FYCO1: variants seen among roughly 807,000 people sequenced by gnomAD.
FYCO1 encodes the protein FYVE and coiled-coil domain-containing protein 1.
FYCO1 carries 122 observed loss-of-function variants against 165.1 expected under a neutral mutation model. The observed-to-expected ratio is 0.74, with a 90% CI of 0.64 to 0.86. The LOEUF (loss-of-function observed/expected upper bound fraction) is 0.86. Among genes scored for constraint, FYCO1 ranks in the 40% least tolerant of loss-of-function variants. The probability of loss-of-function intolerance (pLI) is 0.00; values close to 1 mark genes in which losing one functional copy is unlikely to be tolerated. For missense variants in FYCO1, 1,702 were observed against 1,810.3 expected (o/e 0.94, Z 1.09); for synonymous variants, 648 against 742.5 (o/e 0.87, Z 2.07).
rs1272399167 is a variant in FYCO1 at position 45,967,091 on chromosome 3, G to A, written c.2243C>T (p.Thr748Ile). 1.2e-6 allele frequency: 2 copies of A among 1,613,832 alleles called. No homozygotes were observed. Among genetic ancestry groups the A allele is most frequent in the African/African-American group, 1.3e-5 (1 of 74,910 alleles). The change falls in exon 8 of 18, where the codon ACA becomes ATA. Residue 748 changes from threonine (T) to isoleucine (I), a missense_variant. Transcript: ENST00000296137. ...AACTCCCTGTTGGCCTTTCTCTGCT[G>A]TGAGGACCTCAATCAGCTGGGTCTG... ...QQQTQLIEVL[T>I]AEKGQQGVGP... is the part of the protein sequence containing the mutation.
intron 16 of FYCO1, among the ~76,000 whole-genome samples, chr3:45,926,220 A>G (rs2125790874): frequency 6.6e-6 from 1 of 152,344 alleles, no homozygotes; most frequent in African/African-American, 2.4e-5. Context: ...GGCAGAGATT[A>G]CCAGACTGGA....
At chr3:45,963,752 C>T (rs1235956664) in intron 10 of FYCO1, among the ~76,000 whole-genome samples, 1 of 152,216 alleles carries the variant, frequency 6.6e-6, no homozygotes, top group East Asian at 1.9e-4. Flanking sequence ...CTCACAACTC[C>T]ACATGGCCCC....
At chr3:45,994,497 G>C (rs1016538851) in intron 1 of FYCO1, among the ~76,000 whole-genome samples, 2 of 152,062 alleles carry the variant, frequency 1.3e-5, no homozygotes, top group Non-Finnish European at 2.9e-5. Flanking sequence ...TAATAACCAC[G>C]GTGCACAACT....
Position 45,984,963 on chromosome 3 carries a change from C to A in FYCO1, c.-53G>T. On this transcript the variant is annotated 5_prime_UTR_variant, in exon 2 of 18. Transcript: ENST00000296137. The stretch of plus-strand genomic sequence containing the variant: ...TCTCCTGCCTGGGTCCAGAGGAAGG[C>A]TCAGAATTTCGGCCCTCGGTGGCTG... 1 of 1,601,974 alleles carries A rather than the reference C, an allele frequency of 6.2e-7. No individual in the cohort carries two copies. Among genetic ancestry groups the A allele is most frequent in the Non-Finnish European group, 8.6e-7 (1 of 1,168,976 alleles).
At chr3:45,945,493 C>T (rs1239030884) in intron 14 of FYCO1, 2 of 152,240 alleles carry the variant, frequency 1.3e-5, no homozygotes, top group African/African-American at 4.8e-5. Flanking sequence ...AGAGAAGTGA[C>T]ATCTTGAAGG....
intron 16 of FYCO1, among the ~76,000 whole-genome samples, chr3:45,927,462 G>A (rs1433839321): frequency 6.6e-6 from 1 of 152,116 alleles, no homozygotes; most frequent in Admixed American, 6.5e-5. Context: ...AAAAGGCATG[G>A]GAGGGAGAGC....
chr3:45,979,828 A>C lies in FYCO1; in HGVS notation c.165T>G (p.Phe55Leu). 1 of 1,613,886 alleles carries C rather than the reference A, an allele frequency of 6.2e-7. No homozygotes were observed. The highest frequency in any genetic ancestry group is 8.5e-7 in the Non-Finnish European group (1 of 1,179,866). Residue 55 changes from phenylalanine (F) to leucine (L), a missense_variant and splice_region_variant, in exon 4 of 18, where the codon TTT becomes TTG. By Grantham distance (22) the Phe-to-Leu change is conservative. Transcript: ENST00000296137. The stretch of plus-strand genomic sequence containing the variant: ...GGAGGGTGGCCTTCTCTTTCTGATC[A>C]AACTGGGTAGGGAAAGGGAAAGGGA... ...FSYKLEYLLQ[F>L]DQKEKATLLG...
chr3:45,938,172 T>C, intron 14 of FYCO1: 1 of 1,275,418 alleles, frequency 7.8e-7, no homozygotes, highest in Non-Finnish European at 1.0e-6. Context: ...CTGACCACAG[T>C]GATGACAGAC....
chr3:45,954,785 G>A (rs1405523217), intron 14 of FYCO1, among the ~76,000 whole-genome samples: 1 of 152,136 alleles, frequency 6.6e-6, no homozygotes, highest in Non-Finnish European at 1.5e-5. Flanking sequence ...GACACACCAG[G>A]GGCATGCAAC....
intron 1 of FYCO1, among the ~76,000 whole-genome samples, chr3:45,994,218 CAA>C (rs11328676): frequency 0.012 from 1,641 of 136,832 alleles, 51 homozygotes; most frequent in Admixed American, 0.095. Flanking sequence ...AAAGTAACTG[CAA>C]AAAAAAAAAA....
In FYCO1 at chr3:45,969,674, C is replaced by A. The variant is rs761045074; in HGVS notation, c.630+1G>T. The A allele has an allele frequency of 6.2e-7, 1 of 1,613,210 alleles. No individual in the cohort carries two copies. The highest frequency in any genetic ancestry group is 2.2e-5 in the East Asian group (1 of 44,890). ...ATAATTCCCAGCCTTCCTGGCCTTA[C>A]CTGCAGGTAGCTGCTCACCAAGCTG... On this transcript the variant is annotated splice_donor_variant, in intron 7 of 17. Coordinates refer to ENST00000296137, the MANE Select transcript of FYCO1 (RefSeq NM_024513.4). LOFTEE classifies it high-confidence loss of function.
Position 45,931,235 on chromosome 3 carries a change from C to G in FYCO1, c.4087G>C (p.Gly1363Arg). Residue 1363 changes from glycine to arginine, a missense_variant, in exon 16 of 18, where the codon GGT becomes CGT. Transcript: ENST00000296137. ...TVDEIASFGE[G>R]SRELFVRSST... ...GACCTCACAAACAGCTCCCTGCTACCCTCCCCGAAGCTGGCGATCTCATCC... is the reference window on the plus strand; with the variant it reads ...GACCTCACAAACAGCTCCCTGCTACGCTCCCCGAAGCTGGCGATCTCATCC... 20 of 1,613,938 alleles carry G rather than the reference C, an allele frequency of 1.2e-5. No homozygotes were observed. Among genetic ancestry groups the G allele is most frequent in the Non-Finnish European group, 1.7e-5 (20 of 1,179,958 alleles).
At chr3:45,929,712 G>A (rs1478115459) in intron 16 of FYCO1, among the ~76,000 whole-genome samples, 7 of 152,308 alleles carry the variant, frequency 4.6e-5, no homozygotes, top group Admixed American at 1.3e-4. Flanking sequence ...TGGGCAGAGC[G>A]GTTTTAAATA....
chr3:45,954,341 G>A lies in FYCO1; in HGVS notation c.3944+908C>T, dbSNP rs369121796. 2.0e-5 allele frequency among the ~76,000 whole-genome samples: 3 copies of A among 152,242 alleles called. No homozygotes were observed. In the East Asian group the frequency reaches 5.8e-4, roughly 29 times the overall value. On this transcript the variant is annotated intron_variant, in intron 14 of 17. Transcript: ENST00000296137. Reference sequence around the variant, plus strand: ...GGAAGCCAAAAGACTGGACACCCCTGCTCTGATGCGTTCCCTGACAGTATT... The same window carrying A: ...GGAAGCCAAAAGACTGGACACCCCTACTCTGATGCGTTCCCTGACAGTATT...
chr3:45,959,138 C>T (rs1187741096), intron 12 of FYCO1, among the ~76,000 whole-genome samples: 3 of 152,212 alleles, frequency 2.0e-5, no homozygotes, highest in South Asian at 2.1e-4. Flanking sequence ...TCTGGGTATG[C>T]CCCATCCCTG....
chr3:45,959,299 C>G, intron 12 of FYCO1, 94 bp downstream of exon 12: 2 of 1,373,020 alleles, frequency 1.5e-6, no homozygotes, highest in Non-Finnish European at 2.1e-6. Flanking sequence ...AGCCATGGTG[C>G]CAACACCTAT....
At chr3:45,984,663 C>G (rs1707226775) in intron 2 of FYCO1, 193 bp downstream of exon 2, 1 of 685,558 alleles carries the variant, frequency 1.5e-6, no homozygotes, top group Non-Finnish European at 2.6e-6. Flanking sequence ...TGAAAGGAAA[C>G]CAGGCAAGCT....
rs761067245 is a variant in FYCO1 at position 45,967,210 on chromosome 3, C to T, written c.2124G>A (p.Glu708=). Residue 708 remains glutamate, a synonymous_variant, in exon 8 of 18, where the codon GAG becomes GAA. Transcript: ENST00000296137. ...CCACCTCCTCCCGCAGCTGCTGACA[C>T]TCGCCCTCCTTGCTCTGTAGAATGG... The part of the protein sequence containing the change: ...KEAILQSKEG[E]CQQLREEVEQ... 2 of 1,613,956 alleles carry T rather than the reference C, an allele frequency of 1.2e-6. No individual in the cohort carries two copies. Among genetic ancestry groups the T allele is most frequent in the East Asian group, 4.5e-5 (2 of 44,888 alleles).
chr3:45,960,281 G>A (rs759962362), intron 11 of FYCO1, among the ~76,000 whole-genome samples: 2 of 152,200 alleles, frequency 1.3e-5, no homozygotes, highest in African/African-American at 4.8e-5. Context: ...CAGGGCTAAC[G>A]TGGCTCTAGC....
Sources: gnomAD v4.1 joint callset for allele counts (sites outside exome capture counted in the v4.1 genomes callset) on GRCh38, gnomAD v4.1.1 for gene constraint, MANE v1.5 for transcripts, NCBI Gene and HGNC (gene_info 2026-07-23, HGNC 2026-07-21) for gene names.